Variants in FSTL4 observed in about 807,000 individuals in gnomAD.
The protein encoded by FSTL4 is follistatin like 4.
FSTL4 carries 28 observed loss-of-function variants against 78.2 expected under a neutral mutation model. That is an observed-to-expected ratio of 0.36 (90% CI 0.27 to 0.49). The LOEUF is 0.49. FSTL4 is among the 20% of genes least tolerant of loss of function. FSTL4 has a pLI of 0.98. For synonymous variants in FSTL4, 422 were observed against 440.5 expected, an observed-to-expected ratio of 0.96 and a Z score of 0.53; for missense variants, 922 against 1,084.9, an observed-to-expected ratio of 0.85 and a Z score of 2.11.
chr5:133,486,079 A>G (rs1157189713), intron 3 of FSTL4, among the ~76,000 whole-genome samples: 1 of 152,174 alleles, frequency 6.6e-6, no homozygotes, highest in Non-Finnish European at 1.5e-5. Context: ...TGTGGCCTTC[A>G]TGCGACCATC....
chr5:133,769,824 A>G, the FSTL4 span, among the ~76,000 whole-genome samples: 1 of 152,114 alleles, frequency 6.6e-6, no homozygotes, highest in Non-Finnish European at 1.5e-5. Flanking sequence ...ATTGTACCCA[A>G]TAGGAATTTT....
the FSTL4 span, among the ~76,000 whole-genome samples, chr5:133,814,953 G>C: frequency 9.2e-5 from 14 of 152,144 alleles, no homozygotes; most frequent in Non-Finnish European, 1.9e-4. Context: ...TACATGGCTT[G>C]TTCCAGGGGC....
intron 6 of FSTL4, among the ~76,000 whole-genome samples, chr5:133,288,413 C>T (rs1753186066): frequency 1.3e-5 from 2 of 152,228 alleles, no homozygotes; most frequent in Non-Finnish European, 2.9e-5. Context: ...CCAGGCCTGT[C>T]TGGGTCTGCC....
At chr5:133,554,024 C>T (rs927383293) in intron 3 of FSTL4, among the ~76,000 whole-genome samples, 2 of 152,366 alleles carry the variant, frequency 1.3e-5, no homozygotes, top group South Asian at 2.1e-4. Context: ...GTCACTGTAC[C>T]TGTTCAAGCC....
At chr5:133,448,534 A>G (rs1051385067) in intron 3 of FSTL4, among the ~76,000 whole-genome samples, 3 of 152,216 alleles carry the variant, frequency 2.0e-5, no homozygotes, top group African/African-American at 7.2e-5. Flanking sequence ...GGCACACAGA[A>G]GTTAAAGGGC....
chr5:133,798,544 C>T, the FSTL4 span, among the ~76,000 whole-genome samples: 8 of 151,740 alleles, frequency 5.3e-5, no homozygotes, highest in Admixed American at 3.9e-4. Context: ...CACCAAACTG[C>T]ATTTAACTAA....
intron 3 of FSTL4, among the ~76,000 whole-genome samples, chr5:133,522,403 T>C (rs543066984): frequency 6.6e-5 from 10 of 152,330 alleles, no homozygotes; most frequent in Admixed American, 5.9e-4. Flanking sequence ...TGCCACAATC[T>C]CTTGGGCATT....
At chr5:133,541,892 T>C (rs1319514227) in intron 3 of FSTL4, among the ~76,000 whole-genome samples, 2 of 148,144 alleles carry the variant, frequency 1.4e-5, no homozygotes, top group Non-Finnish European at 3.0e-5. Flanking sequence ...ACTGCTTCTG[T>C]GCCTTCTCAG....
the FSTL4 span, among the ~76,000 whole-genome samples, chr5:133,678,071 A>G: frequency 1.3e-5 from 2 of 151,762 alleles, no homozygotes; most frequent in Non-Finnish European, 2.9e-5. Context: ...GAGAACACTT[A>G]AAATCTACTC....
intron 2 of FSTL4, among the ~76,000 whole-genome samples, chr5:133,591,007 T>C (rs1441385430): frequency 1.3e-5 from 2 of 152,182 alleles, no homozygotes; most frequent in African/African-American, 4.8e-5. Flanking sequence ...ATCACCCAAC[T>C]TGTGGCACTG....
intron 3 of FSTL4, among the ~76,000 whole-genome samples, chr5:133,544,613 A>G (rs1759539015): frequency 6.6e-6 from 1 of 152,200 alleles, no homozygotes; most frequent in African/African-American, 2.4e-5. Context: ...TCACGGCCCA[A>G]ACCTTGTCAC....
intron 3 of FSTL4, among the ~76,000 whole-genome samples, chr5:133,432,928 T>G (rs1192436269): frequency 6.6e-6 from 1 of 152,228 alleles, no homozygotes. Flanking sequence ...TTCTGTGCCT[T>G]GCTATGTGTG....
chr5:133,580,992 G>C (rs1381503624), intron 2 of FSTL4, among the ~76,000 whole-genome samples: 1 of 152,126 alleles, frequency 6.6e-6, no homozygotes, highest in East Asian at 1.9e-4. Context: ...CTCAGGGTCT[G>C]GTGATTTTGG....
chr5:133,651,050 A>G, the FSTL4 span, among the ~76,000 whole-genome samples: 1 of 152,226 alleles, frequency 6.6e-6, no homozygotes, highest in East Asian at 1.9e-4. Flanking sequence ...TTGCTGGCAT[A>G]CAGAAAAGCA....
the FSTL4 span, among the ~76,000 whole-genome samples, chr5:133,789,902 C>T: frequency 4.6e-5 from 7 of 152,310 alleles, no homozygotes; most frequent in South Asian, 1.2e-3. Context: ...CCCATCTCCA[C>T]ATACAGCCAT....
At chr5:133,399,886 C>A (rs1350624014) in intron 4 of FSTL4, among the ~76,000 whole-genome samples, 3 of 152,332 alleles carry the variant, frequency 2.0e-5, no homozygotes, top group East Asian at 1.9e-4. Flanking sequence ...TTCATGTATA[C>A]CCATTTTGTA....
At chr5:133,336,521 T>C (rs1754468877) in intron 4 of FSTL4, among the ~76,000 whole-genome samples, 1 of 152,212 alleles carries the variant, frequency 6.6e-6, no homozygotes. Context: ...GCTGTGTGAA[T>C]GCTCTTCTGT....
At chr5:133,267,680 A>G (rs1369174598) in intron 6 of FSTL4, among the ~76,000 whole-genome samples, 1 of 152,134 alleles carries the variant, frequency 6.6e-6, no homozygotes. Context: ...AGAAACTGAG[A>G]CACACCTGGG....
chr5:133,552,107 C>T (rs1288188988), intron 3 of FSTL4, among the ~76,000 whole-genome samples: 2 of 152,174 alleles, frequency 1.3e-5, no homozygotes, highest in African/African-American at 2.4e-5. Context: ...GTTGCTTCAG[C>T]CTTTACTCTA....
Sources: gnomAD v4.1 joint callset for allele counts (sites outside exome capture counted in the v4.1 genomes callset) on GRCh38, gnomAD v4.1.1 for gene constraint, MANE v1.5 for transcripts, NCBI Gene and HGNC (gene_info 2026-07-23, HGNC 2026-07-21) for gene names.